Variants in ANK3 observed in about 807,000 individuals in gnomAD.
ANK3 encodes ankyrin-3.
In ANK3, 57 loss-of-function variants were observed where a neutral mutation model predicts 370.9. The observed-to-expected ratio is 0.15, with a 90% CI of 0.12 to 0.19. ANK3 has a LOEUF of 0.19. ANK3 is among the 10% of genes least tolerant of loss of function. The pLI is 1.00. For missense variants in ANK3, 4,439 were observed against 5,302.1 expected (o/e 0.84, Z 5.06); for synonymous variants, 1,929 against 1,946.3 (o/e 0.99, Z 0.23).
intron 1 of ANK3, among the ~76,000 whole-genome samples, chr10:60,637,399 T>C (rs2078569650): frequency 6.6e-6 from 1 of 152,158 alleles, no homozygotes; most frequent in African/African-American, 2.4e-5. Context: ...ACAGTGCTAT[T>C]GAGGGTGTGC....
chr10:60,309,774 A>T (rs973723982), intron 1 of ANK3, among the ~76,000 whole-genome samples: 3 of 152,238 alleles, frequency 2.0e-5, no homozygotes, highest in African/African-American at 7.2e-5. Context: ...AGCATCAGAA[A>T]AAACAAACAA....
chr10:60,450,036 G>A (rs2064556305), intron 2 of ANK3, among the ~76,000 whole-genome samples: 1 of 152,162 alleles, frequency 6.6e-6, no homozygotes, highest in South Asian at 2.1e-4. Context: ...AGTGACTCAT[G>A]CTTATAATCC....
At chr10:60,415,082 G>A (rs1382619232) in intron 2 of ANK3, among the ~76,000 whole-genome samples, 1 of 152,142 alleles carries the variant, frequency 6.6e-6, no homozygotes, top group Non-Finnish European at 1.5e-5. Flanking sequence ...GAGGCAGCAG[G>A]AGAAAGAAAA....
rs199666884 is a variant in ANK3, at chr10:60,208,077, C to G, written c.1153G>C (p.Val385Leu). ...GGGTTAGCTTTCTTATCCAAGAGAA[C>G]CTTGGCAACTTTGTAATGGCCACAG... Reference protein sequence around the residue: ...AHCGHYKVAKVLLDKKANPNA... With the variant: ...AHCGHYKVAKLLLDKKANPNA... Residue 385 changes from valine (V) to leucine (L), a missense_variant, in exon 10 of 44, where the codon GTT (valine) becomes CTT (leucine). Around this residue, in one of 13 missense-constraint regions of ANK3, gnomAD observed 227 missense variants for 377.6 expected, o/e 0.60. Transcript: ENST00000280772. 6.2e-7 allele frequency: 1 copy of G among 1,614,072 alleles called. No individual in the cohort carries two copies. Among genetic ancestry groups the G allele is most frequent in the Non-Finnish European group, 8.5e-7 (1 of 1,180,002 alleles).
rs950631326 is a variant in ANK3, at chr10:60,027,607, T to G, written c.*2239A>C. On this transcript the variant is annotated 3_prime_UTR_variant, in exon 44 of 44. Transcript: ENST00000280772. ...CCATCAAAGAAAGACAGTACCTAAT[T>G]CATAAAGTAGATATGAGGACTAAGT... The G allele has an allele frequency of 1.3e-5, 2 of 152,150 alleles. No homozygotes were observed. The highest frequency in any genetic ancestry group is 2.4e-5 in the African/African-American group (1 of 41,402). 9.4% of individuals were successfully genotyped at this position (152,150 alleles called of 1,614,324 possible). A position where few individuals can be genotyped will look rare whatever the true frequency, so the allele number is the denominator to read the frequency against.
chr10:60,205,037 A>C (rs1453729208), intron 11 of ANK3, among the ~76,000 whole-genome samples: 1 of 152,158 alleles, frequency 6.6e-6, no homozygotes, highest in Admixed American at 6.6e-5. Flanking sequence ...GAGATCAATC[A>C]GAGTGCTAGG....
chr10:60,641,762 A>G (rs1396075109), intron 1 of ANK3, among the ~76,000 whole-genome samples: 1 of 152,196 alleles, frequency 6.6e-6, no homozygotes, highest in East Asian at 1.9e-4. Flanking sequence ...AATGGCAACA[A>G]AAGCCAAAAT....
At chr10:60,596,542 C>A (rs542817687) in intron 2 of ANK3, among the ~76,000 whole-genome samples, 1 of 152,138 alleles carries the variant, frequency 6.6e-6, no homozygotes, top group Non-Finnish European at 1.5e-5. Context: ...ATCCACTAAA[C>A]CTGATAGGAT....
At chr10:60,491,165 C>CTGTT (rs141036992) in intron 2 of ANK3, among the ~76,000 whole-genome samples, 19,803 of 152,128 alleles carry the variant, frequency 0.13, 1,506 homozygotes, top group African/African-American at 0.21. Context: ...ATATAGCACA[C>CTGTT]TATTCATCTA....
chr10:60,661,197 A>T (rs1364449192), intron 1 of ANK3, among the ~76,000 whole-genome samples: 1 of 151,678 alleles, frequency 6.6e-6, no homozygotes, highest in South Asian at 2.1e-4. Context: ...ACGGAACCAT[A>T]ACCAGTATCT....
At chr10:60,172,054 C>A (rs1377059555) in intron 21 of ANK3, among the ~76,000 whole-genome samples, 1 of 152,134 alleles carries the variant, frequency 6.6e-6, no homozygotes, top group Non-Finnish European at 1.5e-5. Flanking sequence ...TAAATAAATA[C>A]ATTTAGCTGT....
chr10:60,733,483 C>G lies in ANK3; in HGVS notation c.-164G>C, dbSNP rs896277469. On this transcript the variant is annotated 5_prime_UTR_variant, in exon 1 of 44. Coordinates refer to the ANK3 transcript ENST00000373827. ...CCCGCCCAGCGCGGCCTATCCTCCT[C>G]CTGCTGTGTCCGCTGCGACCGCCAG... is the stretch of plus-strand genomic sequence containing the variant. 23 of 555,468 alleles carry G rather than the reference C, an allele frequency of 4.1e-5. No individual in the cohort carries two copies. The South Asian group carries it at 2.1e-3, about 51-fold the overall frequency. The allele number at this position is 555,468 out of a possible 1,614,324, so 34.4% of individuals were successfully genotyped here.
intron 1 of ANK3, among the ~76,000 whole-genome samples, chr10:60,637,007 T>G (rs994170562): frequency 4.6e-5 from 7 of 152,230 alleles, no homozygotes; most frequent in Non-Finnish European, 1.0e-4. Flanking sequence ...TTCTCCTTTA[T>G]TTCCTACTAC....
At position 60,075,242 on chromosome 10, in the gene ANK3, A is replaced by G. The variant is rs2083515292; in HGVS notation, c.5639T>C (p.Leu1880Ser). 1 of 1,614,214 alleles carries G rather than the reference A, an allele frequency of 6.2e-7. No homozygotes were observed. Among genetic ancestry groups the G allele is most frequent in the Non-Finnish European group, 8.5e-7 (1 of 1,180,024 alleles). Reference protein sequence around the residue: ...SRTSSPVKSSLFLAPSALKLS... With the variant: ...SRTSSPVKSSSFLAPSALKLS... ...CTTAAGGGCAGAGGGTGCAAGGAAC[A>G]AAGATGACTTAACTGGAGATGAAGT... The change falls in exon 37 of 44, where the codon TTG becomes TCG. Residue 1880 changes from leucine to serine, a missense_variant. Leu to Ser is a moderately radical substitution (Grantham distance 145, BLOSUM62 -2). Transcript: ENST00000280772.
intron 25 of ANK3, among the ~76,000 whole-genome samples, chr10:60,116,776 A>G (rs1274242941): frequency 2.6e-5 from 2 of 76,296 alleles, no homozygotes; most frequent in African/African-American, 1.4e-4. Flanking sequence ...AAGTCCTAGA[A>G]AGAAAAAAAA....
At chr10:60,330,453 C>A (rs909675187) in intron 1 of ANK3, among the ~76,000 whole-genome samples, 2 of 151,856 alleles carry the variant, frequency 1.3e-5, no homozygotes, top group African/African-American at 4.8e-5. Context: ...AATCAAAAAG[C>A]AGGCAAAGGA....
chr10:60,399,545 G>A (rs575673854), intron 2 of ANK3, among the ~76,000 whole-genome samples: 18 of 152,288 alleles, frequency 1.2e-4, no homozygotes, highest in Non-Finnish European at 2.1e-4. Context: ...CCATCGGAGA[G>A]CTCTCTGGGA....
chr10:60,101,685 T>A (rs747570342), intron 28 of ANK3, among the ~76,000 whole-genome samples: 1 of 152,216 alleles, frequency 6.6e-6, no homozygotes, highest in South Asian at 2.1e-4. Flanking sequence ...GCCTCTTCAA[T>A]AGACCTTTGC....
intron 8 of ANK3, among the ~76,000 whole-genome samples, chr10:60,221,299 C>T (rs2097052613): frequency 6.6e-6 from 1 of 152,082 alleles, no homozygotes; most frequent in African/African-American, 2.4e-5. Context: ...AGGCTGGTCT[C>T]GACTTCCTGA....
Sources: allele counts gnomAD v4.1 joint callset (sites outside exome capture counted in the v4.1 genomes callset), GRCh38; gene constraint gnomAD v4.1.1; regional missense constraint gnomAD v4.1.1; transcripts MANE v1.5; gene names NCBI Gene and HGNC (gene_info 2026-07-23, HGNC 2026-07-21).